The following CSNK2A2IP variants were observed in gnomAD, a reference collection of about 807,000 sequenced individuals.
CSNK2A2IP encodes casein kinase II subunit alpha'-interacting protein.
chr3:88,411,359 ATCTATCTATCTATCTATCTG>A, the CSNK2A2IP span, among the ~76,000 whole-genome samples: 5 of 127,334 alleles, frequency 3.9e-5, no homozygotes, highest in African/African-American at 1.3e-4. Flanking sequence ...TCATCTATCT[ATCTATCTATCTATCTATCTG>A]TCTATCTATC....
chr3:88,372,183 A>G, the CSNK2A2IP span, among the ~76,000 whole-genome samples: 1 of 151,834 alleles, frequency 6.6e-6, no homozygotes, highest in African/African-American at 2.4e-5. Context: ...CAAATTTATA[A>G]CATTATATGG....
the CSNK2A2IP span, among the ~76,000 whole-genome samples, chr3:88,357,932 G>T: frequency 1.3e-5 from 2 of 151,812 alleles, no homozygotes; most frequent in African/African-American, 4.8e-5. Context: ...TCACCATGTT[G>T]CCCAGGCTAG....
the CSNK2A2IP span, among the ~76,000 whole-genome samples, chr3:88,430,850 G>A: frequency 2.0e-5 from 3 of 151,970 alleles, no homozygotes; most frequent in Admixed American, 2.0e-4. Context: ...CACTGAAATG[G>A]TGACATTGCA....
chr3:88,374,170 C>A, the CSNK2A2IP span, among the ~76,000 whole-genome samples: 18 of 151,690 alleles, frequency 1.2e-4, no homozygotes, highest in African/African-American at 4.1e-4. Context: ...TAAAATAGTG[C>A]ACATTAAGTT....
the CSNK2A2IP span, among the ~76,000 whole-genome samples, chr3:88,396,104 C>CT: frequency 0.016 from 1,817 of 115,326 alleles, 28 homozygotes; most frequent in African/African-American, 0.03. Flanking sequence ...CTACCTACTT[C>CT]TTTTTTTTTT....
At chr3:88,370,695 T>C in the CSNK2A2IP span, among the ~76,000 whole-genome samples, 1 of 151,518 alleles carries the variant, frequency 6.6e-6, no homozygotes, top group Non-Finnish European at 1.5e-5. Context: ...CCATTTTGAT[T>C]CTGCAACTTT....
the CSNK2A2IP span, among the ~76,000 whole-genome samples, chr3:88,364,659 C>A: frequency 3.3e-5 from 5 of 152,148 alleles, no homozygotes; most frequent in South Asian, 1.0e-3. Flanking sequence ...CTGAACCATA[C>A]CATAGAACAG....
the CSNK2A2IP span, among the ~76,000 whole-genome samples, chr3:88,453,010 A>G: frequency 6.6e-6 from 1 of 152,134 alleles, no homozygotes; most frequent in Non-Finnish European, 1.5e-5. Context: ...GTGGGTTTAT[A>G]TTTGTATAAA....
At chr3:88,386,194 G>A in the CSNK2A2IP span, among the ~76,000 whole-genome samples, 1 of 151,676 alleles carries the variant, frequency 6.6e-6, no homozygotes, top group Non-Finnish European at 1.5e-5. Context: ...GCGTGATCTC[G>A]GTTTACTGCA....
the CSNK2A2IP span, among the ~76,000 whole-genome samples, chr3:88,340,657 T>G: frequency 6.6e-6 from 1 of 151,976 alleles, no homozygotes; most frequent in East Asian, 1.9e-4. Flanking sequence ...AATTACACTT[T>G]GGTGATTTCT....
At chr3:88,366,906 G>A in the CSNK2A2IP span, among the ~76,000 whole-genome samples, 4 of 152,158 alleles carry the variant, frequency 2.6e-5, no homozygotes, top group African/African-American at 9.6e-5. Flanking sequence ...TTACATGGCA[G>A]CAGCAAGACA....
the CSNK2A2IP span, among the ~76,000 whole-genome samples, chr3:88,402,855 C>A: frequency 6.6e-6 from 1 of 151,950 alleles, no homozygotes; most frequent in South Asian, 2.1e-4. Context: ...TTTGATCAAA[C>A]CTTCATTTTT....
At chr3:88,419,242 G>A in the CSNK2A2IP span, among the ~76,000 whole-genome samples, 1 of 152,176 alleles carries the variant, frequency 6.6e-6, no homozygotes, top group African/African-American at 2.4e-5. Context: ...CCCCTGGTCT[G>A]TGGAAAAATT....
the CSNK2A2IP span, among the ~76,000 whole-genome samples, chr3:88,358,689 C>T: frequency 6.6e-6 from 1 of 152,080 alleles, no homozygotes; most frequent in Non-Finnish European, 1.5e-5. Flanking sequence ...TGATGAATCC[C>T]ACTTGATGAT....
At chr3:88,365,659 T>A in the CSNK2A2IP span, among the ~76,000 whole-genome samples, 2 of 152,156 alleles carry the variant, frequency 1.3e-5, no homozygotes, top group Non-Finnish European at 2.9e-5. Context: ...ACTTAATCTT[T>A]ATGCAGTGCC....
At chr3:88,382,020 C>T in the CSNK2A2IP span, among the ~76,000 whole-genome samples, 3 of 152,208 alleles carry the variant, frequency 2.0e-5, no homozygotes, top group African/African-American at 7.2e-5. Context: ...AGGAAAGTGA[C>T]CACAGGCAAC....
chr3:88,342,059 T>C, the CSNK2A2IP span, among the ~76,000 whole-genome samples: 2 of 152,060 alleles, frequency 1.3e-5, no homozygotes, highest in African/African-American at 4.8e-5. Flanking sequence ...TGATGGTTTT[T>C]ATTTGTATGT....
the CSNK2A2IP span, among the ~76,000 whole-genome samples, chr3:88,408,548 G>T: frequency 6.6e-6 from 1 of 152,048 alleles, no homozygotes; most frequent in African/African-American, 2.4e-5. Flanking sequence ...TAAAGCCAGT[G>T]CCTGACCAGG....
chr3:88,397,564 G>A, the CSNK2A2IP span, among the ~76,000 whole-genome samples: 1 of 152,078 alleles, frequency 6.6e-6, no homozygotes, highest in African/African-American at 2.4e-5. Context: ...TTACTTTGTA[G>A]TGTATCACTA....
Sources: gnomAD v4.1 joint callset for allele counts (sites outside exome capture counted in the v4.1 genomes callset) on GRCh38, gnomAD v4.1.1 for gene constraint, MANE v1.5 for transcripts, NCBI Gene and HGNC (gene_info 2026-07-23, HGNC 2026-07-21) for gene names.